LARP1B: variants seen among roughly 807,000 people sequenced by gnomAD.
LARP1B encodes La ribonucleoprotein 1B.
In LARP1B, 76 loss-of-function variants were observed where a neutral mutation model predicts 114.2. The ratio of observed to expected loss-of-function variants is 0.67; its 90% confidence interval spans 0.55 to 0.81. The LOEUF (loss-of-function observed/expected upper bound fraction) is 0.81, where lower values mean the gene tolerates loss of function less well. Ranked by LOEUF, LARP1B falls within the 30% of genes least tolerant of loss-of-function variation. The probability of loss-of-function intolerance (pLI) is 0.00; values close to 1 mark genes in which losing one functional copy is unlikely to be tolerated. For synonymous variants in LARP1B, 345 were observed against 348.0 expected (o/e 0.99, Z 0.10); for missense variants, 1,014 against 1,075.8 (o/e 0.94, Z 0.80).
At chr4:128,171,914 ATT>A (rs769807581) in intron 12 of LARP1B, among the ~76,000 whole-genome samples, 3 of 143,230 alleles carry the variant, frequency 2.1e-5, no homozygotes, top group Non-Finnish European at 1.5e-5. Context: ...TACTTTCAAG[ATT>A]TTTTTTTTTT....
At chr4:128,065,282 T>C (rs1239656618) in intron 1 of LARP1B, among the ~76,000 whole-genome samples, 1 of 135,050 alleles carries the variant, frequency 7.4e-6, no homozygotes, top group Non-Finnish European at 1.6e-5. Flanking sequence ...TCTTTCTTTC[T>C]TTCTTTCTTT....
At chr4:128,130,429 A>G (rs1791196450) in intron 11 of LARP1B, among the ~76,000 whole-genome samples, 1 of 152,258 alleles carries the variant, frequency 6.6e-6, no homozygotes, top group South Asian at 2.1e-4. Context: ...GCAAATATGC[A>G]TATGAAAAGA....
At chr4:128,070,459 G>A (rs865970434) in intron 1 of LARP1B, among the ~76,000 whole-genome samples, 4 of 151,848 alleles carry the variant, frequency 2.6e-5, no homozygotes, top group African/African-American at 4.8e-5. Context: ...TCAGGAGTTC[G>A]AGACCAGCCT....
intron 12 of LARP1B, among the ~76,000 whole-genome samples, chr4:128,172,692 TAA>T (rs1398163529): frequency 6.8e-6 from 1 of 146,292 alleles, no homozygotes. Context: ...GACTCTGTCT[TAA>T]AAAAAAAAAG....
intron 5 of LARP1B, among the ~76,000 whole-genome samples, chr4:128,089,784 T>C (rs979829957): frequency 1.3e-5 from 2 of 151,932 alleles, no homozygotes; most frequent in Non-Finnish European, 2.9e-5. Flanking sequence ...CTTTTTTTTT[T>C]ATTCTGAGAC....
intron 11 of LARP1B, among the ~76,000 whole-genome samples, chr4:128,152,154 T>C (rs530588558): frequency 3.3e-5 from 5 of 152,226 alleles, no homozygotes; most frequent in Admixed American, 6.5e-5. Flanking sequence ...GTATTTTAGC[T>C]TCCATTGGTG....
At chr4:128,189,290 A>T (rs1444813169) in intron 15 of LARP1B, among the ~76,000 whole-genome samples, 11 of 17,708 alleles carry the variant, frequency 6.2e-4, no homozygotes, top group Admixed American at 1.2e-3. Context: ...ACAGACTTTC[A>T]CTTGTTCTAT....
chr4:128,063,164 C>T (rs1236095020), intron 1 of LARP1B, among the ~76,000 whole-genome samples: 1 of 152,080 alleles, frequency 6.6e-6, no homozygotes, highest in African/African-American at 2.4e-5. Flanking sequence ...CGGTGGCTCA[C>T]GCCTGTAATC....
chr4:128,068,778 A>G (rs1183588635), intron 1 of LARP1B, among the ~76,000 whole-genome samples: 12 of 152,112 alleles, frequency 7.9e-5, no homozygotes, highest in Admixed American at 3.9e-4. Flanking sequence ...TGTTTTATAC[A>G]CTGACATATA....
chr4:128,128,021 A>G (rs1450782924), intron 11 of LARP1B, among the ~76,000 whole-genome samples: 1 of 152,204 alleles, frequency 6.6e-6, no homozygotes, highest in Non-Finnish European at 1.5e-5. Context: ...TAGACCATTC[A>G]GTATGGAAAG....
intron 8 of LARP1B, among the ~76,000 whole-genome samples, chr4:128,100,014 C>T (rs1222609735): frequency 6.6e-6 from 1 of 152,004 alleles, no homozygotes; most frequent in African/African-American, 2.4e-5. Context: ...GAGTGGAGTG[C>T]AATGCCATGA....
At chr4:128,079,886 G>C (rs760591123) in intron 4 of LARP1B, among the ~76,000 whole-genome samples, 1 of 151,502 alleles carries the variant, frequency 6.6e-6, no homozygotes, top group Non-Finnish European at 1.5e-5. Flanking sequence ...TAACTACTTC[G>C]TCACTTAACT....
chr4:128,180,820 A>G (rs1405493922), intron 15 of LARP1B, among the ~76,000 whole-genome samples: 1 of 152,214 alleles, frequency 6.6e-6, no homozygotes, highest in African/African-American at 2.4e-5. Flanking sequence ...TTAGTTTTGT[A>G]AGAAACTGCC....
Position 128,123,725 on chromosome 4 carries a change from A to G in LARP1B, c.1524+1537A>G, listed in dbSNP as rs888032633. ...ATGCATTAACCAAAGGAACCCAACC[A>G]TTGTGTATAATATTTGTTCTGTGGG... On this transcript the variant is annotated intron_variant, in intron 11 of 19. Coordinates refer to ENST00000326639, the MANE Select transcript of LARP1B (RefSeq NM_018078.4). 6 of 973,870 alleles carry G rather than the reference A, an allele frequency of 6.2e-6. No homozygotes were observed. In the African/African-American group the frequency reaches 8.8e-5, roughly 14 times the overall value. The allele number at this position is 973,870 out of a possible 1,614,324, so 60.3% of individuals were successfully genotyped here. A position where few individuals can be genotyped will look rare whatever the true frequency, so the allele number is the denominator to read the frequency against.
chr4:128,090,256 A>G (rs1267334573), intron 5 of LARP1B, among the ~76,000 whole-genome samples: 2 of 152,064 alleles, frequency 1.3e-5, no homozygotes, highest in Non-Finnish European at 2.9e-5. Context: ...TATTTTTAGT[A>G]GAGGCGGTAT....
Position 128,091,029 on chromosome 4 carries a change from T to C in LARP1B, c.387T>C (p.Asp129=). The part of the protein sequence containing the change: ...RSWKRDREKR[D]DQDDVSSVRS... ...GGAAGCGAGATAGAGAAAAAAGGGA[T>C]GATCAAGATGACGTTTCCAGTGTGA... Residue 129 remains aspartate (D), a synonymous_variant, in exon 6 of 20, where the codon GAT becomes GAC. Transcript: ENST00000326639. 3.1e-6 allele frequency: 5 copies of C among 1,612,652 alleles called. No homozygotes were observed. Among genetic ancestry groups the C allele is most frequent in the Non-Finnish European group, 4.2e-6 (5 of 1,179,130 alleles).
intron 15 of LARP1B, among the ~76,000 whole-genome samples, chr4:128,180,335 G>A (rs1451096869): frequency 6.6e-6 from 1 of 152,114 alleles, no homozygotes. Context: ...AAAACTTTGG[G>A]AAAATATGTT....
intron 12 of LARP1B, among the ~76,000 whole-genome samples, chr4:128,170,289 A>G (rs1249168514): frequency 2.6e-5 from 4 of 152,214 alleles, no homozygotes; most frequent in African/African-American, 7.2e-5. Flanking sequence ...TGCCATATGC[A>G]TCTGAGAAGA....
chr4:128,154,287 A>G, intron 11 of LARP1B, among the ~76,000 whole-genome samples: 1 of 152,204 alleles, frequency 6.6e-6, no homozygotes, highest in South Asian at 2.1e-4. Flanking sequence ...AACAGTGGCC[A>G]TTGATGGTTT....
Sources: gnomAD v4.1 joint callset for allele counts (sites outside exome capture counted in the v4.1 genomes callset) on GRCh38, gnomAD v4.1.1 for gene constraint, MANE v1.5 for transcripts, NCBI Gene and HGNC (gene_info 2026-07-23, HGNC 2026-07-21) for gene names.